Variants in LRRC40 observed in about 807,000 individuals in gnomAD.
LRRC40 encodes leucine-rich repeat-containing protein 40.
A neutral mutation model predicts 72.8 loss-of-function variants in LRRC40; 76 were observed. That is an observed-to-expected ratio of 1.04 (90% CI 0.87 to 1.26). LRRC40 has a LOEUF of 1.26. Ranked by LOEUF, LRRC40 falls within the 50% of genes most tolerant of loss-of-function variation. LRRC40 has a pLI of 0.00. For missense variants in LRRC40, 684 were observed against 698.9 expected, an observed-to-expected ratio of 0.98 and a Z score of 0.24; for synonymous variants, 243 against 254.2, an observed-to-expected ratio of 0.96 and a Z score of 0.42.
At chr1:70,198,641 C>A (rs892548618) in intron 1 of LRRC40, among the ~76,000 whole-genome samples, 23 of 152,246 alleles carry the variant, frequency 1.5e-4, no homozygotes, top group African/African-American at 5.3e-4. Context: ...TTGAGAATAT[C>A]TTTCTAAATA....
chr1:70,189,351 T>C (rs1334251257), intron 1 of LRRC40, 78 bp from the exon 2 acceptor site: 34 of 1,188,476 alleles, frequency 2.9e-5, no homozygotes, highest in East Asian at 4.9e-5. Context: ...CTAAGTGACA[T>C]GCTTTTATAA....
intron 5 of LRRC40, among the ~76,000 whole-genome samples, chr1:70,179,298 A>G (rs1163908747): frequency 3.3e-5 from 5 of 152,072 alleles, no homozygotes; most frequent in Non-Finnish European, 7.4e-5. Flanking sequence ...CCTGGGCAAC[A>G]TATAGTGAAA....
chr1:70,152,094 T>C (rs1217253691), intron 12 of LRRC40: 6 of 197,642 alleles, frequency 3.0e-5, no homozygotes, highest in African/African-American at 1.2e-4. Context: ...CAGCTGGTTT[T>C]ATACTATTTA....
At chr1:70,173,748 T>C (rs1185137740) in intron 7 of LRRC40, 39 bp from the exon 8 acceptor site, 2 of 994,858 alleles carry the variant, frequency 2.0e-6, no homozygotes, top group Non-Finnish European at 3.0e-6. Flanking sequence ...AAGCATCAAA[T>C]ATAAGTATAC....
chr1:70,168,445 C>T (rs1667935396), intron 9 of LRRC40, among the ~76,000 whole-genome samples: 1 of 152,218 alleles, frequency 6.6e-6, no homozygotes. Flanking sequence ...GAGAAGCTTG[C>T]CATCTTCCAT....
At chr1:70,154,904 A>AT (rs1667603449) in intron 11 of LRRC40, among the ~76,000 whole-genome samples, 7 of 152,150 alleles carry the variant, frequency 4.6e-5, no homozygotes, top group Non-Finnish European at 2.9e-5. Flanking sequence ...ACAGCTAGTT[A>AT]ACCTGTCCAA....
chr1:70,155,333 G>A (rs927176281), intron 11 of LRRC40, among the ~76,000 whole-genome samples: 1 of 151,894 alleles, frequency 6.6e-6, no homozygotes, highest in Non-Finnish European at 1.5e-5. Context: ...ATGTTAGACA[G>A]TCTCTTAACA....
chr1:70,177,051 G>A (rs770460258), intron 6 of LRRC40, among the ~76,000 whole-genome samples: 7 of 152,146 alleles, frequency 4.6e-5, no homozygotes, highest in South Asian at 2.1e-4. Flanking sequence ...GGAGACAGGC[G>A]GATCACCTGA....
At position 70,189,202 on chromosome 1, in the gene LRRC40, T is replaced by C. The variant is rs202044978; in HGVS notation, c.223A>G (p.Thr75Ala). Reference protein sequence around the residue: ...EANQNLSFGATERWWEQTDLT... With the variant: ...EANQNLSFGAAERWWEQTDLT... The stretch of plus-strand genomic sequence containing the variant: ...TCTGTCTGCTCCCACCATCTTTCAG[T>C]AGCACCAAACGAAAGATTCTGATTA... Residue 75 changes from threonine (T) to alanine (A), a missense_variant, in exon 2 of 15, where the codon ACT becomes GCT. By Grantham distance (58) the Thr-to-Ala change is moderately conservative (BLOSUM62 0). Transcript: ENST00000370952. 4.6e-5 allele frequency: 74 copies of C among 1,612,508 alleles called. No individual in the cohort carries two copies. Among genetic ancestry groups the C allele is most frequent in the Admixed American group, 2.5e-4 (15 of 59,704 alleles).
chr1:70,149,609 A>T (rs1456834761), intron 13 of LRRC40, among the ~76,000 whole-genome samples: 1 of 152,238 alleles, frequency 6.6e-6, no homozygotes, highest in Non-Finnish European at 1.5e-5. Context: ...TCAATTGACA[A>T]CACAATATAA....
In LRRC40 at chr1:70,190,677, T is replaced by TAAAAAAAAAAAAAAAAAAAAAAA. The variant is rs59341874; in HGVS notation, c.152-1405_152-1404insTTTTTTTTTTTTTTTTTTTTTTT. Among the ~76,000 whole-genome samples, 26 of 54,342 alleles carry TAAAAAAAAAAAAAAAAAAAAAAA rather than the reference T, an allele frequency of 4.8e-4. 1 individual carries two copies. The highest frequency in any genetic ancestry group is 2.4e-3 in the African/African-American group (19 of 7,902). The allele number at this position is 54,342 out of a possible 152,430, so 35.7% of individuals were successfully genotyped here. A position where few individuals can be genotyped will look rare whatever the true frequency, so the allele number is the denominator to read the frequency against. ...GGGAAACAGAGTGAGACCCTGTCTCTAAAAAAAAAAAAAAAAAAACTTAAA... is the reference window on the plus strand; with the variant it reads ...GGGAAACAGAGTGAGACCCTGTCTCTAAAAAAAAAAAAAAAAAAAAAAAAAAAAAAAAAAAAAAAAAACTTAAA... On this transcript the variant is annotated intron_variant, in intron 1 of 14. Coordinates refer to ENST00000370952, the MANE Select transcript of LRRC40 (RefSeq NM_017768.5).
chr1:70,168,854 A>G (rs1337024116), intron 9 of LRRC40, among the ~76,000 whole-genome samples: 1 of 152,218 alleles, frequency 6.6e-6, no homozygotes, highest in African/African-American at 2.4e-5. Context: ...AGAAATCATA[A>G]AATACTTTGA....
At chr1:70,161,347 G>A (rs940685588) in intron 9 of LRRC40, among the ~76,000 whole-genome samples, 1 of 151,906 alleles carries the variant, frequency 6.6e-6, no homozygotes, top group African/African-American at 2.4e-5. Context: ...GCCTCCCAAA[G>A]TGCTGGGATT....
Position 70,151,193 on chromosome 1 carries a change from T to TA in LRRC40, c.1451dup (p.Leu484PhefsTer22). On this transcript the variant is annotated frameshift_variant, in exon 13 of 15. Coordinates refer to ENST00000370952, the MANE Select transcript of LRRC40 (RefSeq NM_017768.5). LOFTEE classifies it high-confidence loss of function. ...ATTCCATTTCTTCTGGCAAAGAATT[T>TA]AAAAAATTGTTCCTAAATTGGAAAT... 1 of 1,569,112 alleles carries TA rather than the reference T, an allele frequency of 6.4e-7. No homozygotes were observed. The highest frequency in any genetic ancestry group is 8.8e-7 in the Non-Finnish European group (1 of 1,141,886).
intron 6 of LRRC40, among the ~76,000 whole-genome samples, chr1:70,177,145 G>A (rs1260633339): frequency 6.6e-6 from 1 of 151,970 alleles, no homozygotes; most frequent in Admixed American, 6.6e-5. Flanking sequence ...GCGTGGTGGT[G>A]GGCACCTGTA....
chr1:70,199,879 C>T (rs1668699236), intron 1 of LRRC40, among the ~76,000 whole-genome samples: 1 of 151,990 alleles, frequency 6.6e-6, no homozygotes, highest in Non-Finnish European at 1.5e-5. Context: ...CCTAAACACC[C>T]CAAAGAGTAA....
Position 70,168,103 on chromosome 1 carries a change from C to G in LRRC40, c.1111+5362G>C, listed in dbSNP as rs147076733. 5.9e-3 allele frequency among the ~76,000 whole-genome samples: 891 copies of G among 152,278 alleles called. 9 individuals are homozygous for G. The highest frequency in any genetic ancestry group is 0.02 in the African/African-American group (835 of 41,548). On this transcript the variant is annotated intron_variant, in intron 9 of 14. Transcript: ENST00000370952. Reference sequence around the variant, plus strand: ...CTGAGAACACAGGGTTCCCTCTCCCCCAACCCTCCAGCCCCAAACCCTATC... The same window carrying G: ...CTGAGAACACAGGGTTCCCTCTCCCGCAACCCTCCAGCCCCAAACCCTATC...
At chr1:70,166,050 C>G (rs923631604) in intron 9 of LRRC40, among the ~76,000 whole-genome samples, 1 of 152,024 alleles carries the variant, frequency 6.6e-6, no homozygotes, top group African/African-American at 2.4e-5. Flanking sequence ...TTTGAAATTC[C>G]CCTTAGATTA....
chr1:70,176,705 C>T (rs1571467989), intron 6 of LRRC40, among the ~76,000 whole-genome samples: 1 of 151,774 alleles, frequency 6.6e-6, no homozygotes, highest in Non-Finnish European at 1.5e-5. Context: ...CTGTGAGGGT[C>T]CACTTTTATA....
Sources: allele counts gnomAD v4.1 joint callset (sites outside exome capture counted in the v4.1 genomes callset), GRCh38; gene constraint gnomAD v4.1.1; transcripts MANE v1.5; gene names NCBI Gene and HGNC (gene_info 2026-07-23, HGNC 2026-07-21).